The following ACOT1 variants were observed in gnomAD, a reference collection of about 807,000 sequenced individuals.
ACOT1 encodes acyl-coenzyme A thioesterase 1.
In ACOT1, 8 loss-of-function variants were observed where a neutral mutation model predicts 15.7. The ratio of observed to expected loss-of-function variants is 0.51; its 90% confidence interval spans 0.30 to 0.92. The LOEUF (loss-of-function observed/expected upper bound fraction) is 0.92. Among genes scored for constraint, ACOT1 ranks in the 40% least tolerant of loss-of-function variants. ACOT1 has a pLI of 0.06. For missense variants in ACOT1, 151 were observed against 539.4 expected, an observed-to-expected ratio of 0.28 and a Z score of 7.13; for synonymous variants, 67 against 241.2, an observed-to-expected ratio of 0.28 and a Z score of 6.69.
chr14:73,504,950 T>A, the ACOT1 span, among the ~76,000 whole-genome samples: 2 of 151,956 alleles, frequency 1.3e-5, no homozygotes, highest in African/African-American at 2.4e-5. Context: ...TTTTTTTTTT[T>A]AGATGGAGTC....
the ACOT1 span, chr14:73,498,184 C>G: frequency 6.2e-7 from 1 of 1,613,188 alleles, no homozygotes; most frequent in Non-Finnish European, 8.5e-7. Flanking sequence ...TCTCCAGGAG[C>G]AGCACGTCTA....
chr14:73,495,370 T>C, the ACOT1 span: 1 of 1,613,894 alleles, frequency 6.2e-7, no homozygotes, highest in East Asian at 2.2e-5. Context: ...GCAAGTCCTT[T>C]TGGCTTAGTG....
the ACOT1 span, among the ~76,000 whole-genome samples, chr14:73,525,298 G>A: frequency 2.6e-5 from 4 of 152,138 alleles, no homozygotes; most frequent in East Asian, 5.8e-4. Context: ...TTCTCAAAGC[G>A]TTGGGATTAC....
At chr14:73,500,755 T>C in the ACOT1 span, 1 of 1,606,144 alleles carries the variant, frequency 6.2e-7, no homozygotes, top group Non-Finnish European at 8.5e-7. Context: ...TTGCTTTCCT[T>C]TCACCTCCTT....
the ACOT1 span, among the ~76,000 whole-genome samples, chr14:73,507,531 T>C: frequency 6.6e-6 from 1 of 152,046 alleles, no homozygotes; most frequent in African/African-American, 2.4e-5. Flanking sequence ...CCTGCCAGGC[T>C]CAAGTGATCC....
chr14:73,522,800 C>G, the ACOT1 span: 1 of 1,614,166 alleles, frequency 6.2e-7, no homozygotes, highest in Non-Finnish European at 8.5e-7. Flanking sequence ...GAACTTGAAG[C>G]TAACAGGTTT....
chr14:73,500,697 A>G, the ACOT1 span: 1 of 1,614,046 alleles, frequency 6.2e-7, no homozygotes, highest in Non-Finnish European at 8.5e-7. Context: ...GAGCTTCCAC[A>G]CGCTCCTGGG....
At chr14:73,494,806 C>T in the ACOT1 span, among the ~76,000 whole-genome samples, 1 of 152,094 alleles carries the variant, frequency 6.6e-6, no homozygotes, top group African/African-American at 2.4e-5. Flanking sequence ...GGTGATCCTC[C>T]CACCATGGCC....
chr14:73,499,877 A>G, the ACOT1 span, among the ~76,000 whole-genome samples: 2 of 152,306 alleles, frequency 1.3e-5, no homozygotes. Flanking sequence ...AGCTTGTCCA[A>G]CATGTGGCCT....
intron 2 of ACOT1, among the ~76,000 whole-genome samples, chr14:73,542,647 C>G (rs1284068496): frequency 9.0e-6 from 1 of 110,564 alleles, no homozygotes; most frequent in African/African-American, 3.1e-5. Context: ...CTCAAATGAT[C>G]CACCCGCCTC....
chr14:73,537,797 G>A lies in ACOT1; in HGVS notation c.376G>A (p.Glu126Lys), dbSNP rs746571011. The change falls in exon 1 of 3, where the codon GAG becomes AAG. Residue 126 changes from glutamate to lysine, a missense_variant. By Grantham distance (56) the Glu-to-Lys change is moderately conservative (BLOSUM62 1). Coordinates refer to ENST00000311148, the MANE Select transcript of ACOT1 (RefSeq NM_001037161.2). ...GCGGCTGCTGTGCCGGGTGCGGCACGAGCGCTACTTCCTCCCGCCCGGGGT... is the reference window on the plus strand; with the variant it reads ...GCGGCTGCTGTGCCGGGTGCGGCACAAGCGCTACTTCCTCCCGCCCGGGGT... ...PGRLLCRVRHERYFLPPGVRR... is the reference protein window; with the variant it reads ...PGRLLCRVRHKRYFLPPGVRR... 3.3e-6 allele frequency: 4 copies of A among 1,223,152 alleles called. No individual in the cohort carries two copies. Among genetic ancestry groups the A allele is most frequent in the Non-Finnish European group, 4.3e-6 (4 of 929,162 alleles). 75.8% of individuals were successfully genotyped at this position (1,223,152 alleles called of 1,614,324 possible). A position where few individuals can be genotyped will look rare whatever the true frequency, so the allele number is the denominator to read the frequency against.
the ACOT1 span, among the ~76,000 whole-genome samples, chr14:73,509,868 ATTTATT>A: frequency 8.8e-4 from 63 of 71,392 alleles, 2 homozygotes; most frequent in Non-Finnish European, 1.4e-3. Flanking sequence ...ATATATATAT[ATTTATT>A]TATTTTATAT....
chr14:73,498,827 T>C, the ACOT1 span, among the ~76,000 whole-genome samples: 1 of 152,256 alleles, frequency 6.6e-6, no homozygotes, highest in African/African-American at 2.4e-5. Context: ...TCCTTAATTC[T>C]GTTGGCAGGG....
In ACOT1 at chr14:73,542,913, C is replaced by T. The variant is rs1339565022; in HGVS notation, c.661-137C>T. 2.1e-5 allele frequency: 20 copies of T among 939,500 alleles called. 1 individual carries two copies. The highest frequency in any genetic ancestry group is 9.1e-5 in the African/African-American group (5 of 55,186). 58.2% of individuals were successfully genotyped at this position (939,500 alleles called of 1,614,324 possible). A position where few individuals can be genotyped will look rare whatever the true frequency, so the allele number is the denominator to read the frequency against. ...GAAGAGATAGAGGGGAGGTAAATTCCCAAAGCTGCAAATCTGGGTAAATGG... is the reference window on the plus strand; with the variant it reads ...GAAGAGATAGAGGGGAGGTAAATTCTCAAAGCTGCAAATCTGGGTAAATGG... On this transcript the variant is annotated intron_variant, in intron 2 of 2. Coordinates refer to ENST00000311148, the MANE Select transcript of ACOT1 (RefSeq NM_001037161.2).
chr14:73,523,366 G>T, the ACOT1 span: 1 of 547,010 alleles, frequency 1.8e-6, no homozygotes. Context: ...AACAAAAGAA[G>T]AAAATGGTGC....
chr14:73,504,463 C>T, the ACOT1 span, among the ~76,000 whole-genome samples: 7 of 152,036 alleles, frequency 4.6e-5, no homozygotes, highest in African/African-American at 1.4e-4. Context: ...AGGATGGTCT[C>T]GATCTCCTGA....
upstream of ACOT1, among the ~76,000 whole-genome samples, chr14:73,536,370 TGGGGAGCGCC>T (rs1888861745): frequency 9.1e-6 from 1 of 109,392 alleles, no homozygotes; most frequent in South Asian, 3.0e-4. Flanking sequence ...GCCCAATGCA[TGGGGAGCGCC>T]GGTAGTCCCT....
chr14:73,511,301 T>G, the ACOT1 span, among the ~76,000 whole-genome samples: 1 of 150,770 alleles, frequency 6.6e-6, no homozygotes, highest in Non-Finnish European at 1.5e-5. Flanking sequence ...TCACTTGAGG[T>G]CAGGAGTTCA....
the ACOT1 span, among the ~76,000 whole-genome samples, chr14:73,501,194 C>T: frequency 1.2e-4 from 18 of 150,824 alleles, no homozygotes; most frequent in Non-Finnish European, 1.6e-4. Flanking sequence ...TCTTGGCTTA[C>T]TGCAAGCGCC....
Sources: allele counts gnomAD v4.1 joint callset (sites outside exome capture counted in the v4.1 genomes callset), GRCh38; gene constraint gnomAD v4.1.1; transcripts MANE v1.5; gene names NCBI Gene and HGNC (gene_info 2026-07-23, HGNC 2026-07-21).